Variants in KHDRBS2 observed in about 807,000 individuals in gnomAD.
The protein encoded by KHDRBS2 is KH domain-containing, RNA-binding, signal transduction-associated protein 2.
In KHDRBS2, 26 loss-of-function variants were observed where a neutral mutation model predicts 44.3. That is an observed-to-expected ratio of 0.59 (90% CI 0.43 to 0.81). The LOEUF is 0.81. Ranked by LOEUF, KHDRBS2 falls within the 40% of genes least tolerant of loss-of-function variation. The pLI, the probability that KHDRBS2 is intolerant of heterozygous loss-of-function variation, is 0.00. For synonymous variants in KHDRBS2, 194 were observed against 151.1 expected (o/e 1.28, Z -2.08); for missense variants, 476 against 433.1 (o/e 1.10, Z -0.88).
At chr6:61,682,140 G>A (rs12524647) in intron 8 of KHDRBS2, among the ~76,000 whole-genome samples, 1,941 of 151,978 alleles carry the variant, frequency 0.013, 152 homozygotes, top group Admixed American at 0.11. Context: ...TAGTTCCTCC[G>A]ATCATAAGAA....
At chr6:61,626,200 A>G in the KHDRBS2 span, among the ~76,000 whole-genome samples, 1 of 152,224 alleles carries the variant, frequency 6.6e-6, no homozygotes, top group African/African-American at 2.4e-5. Context: ...AATAGCCTAA[A>G]TAGCAATATA....
At chr6:61,865,656 C>G (rs1485097827) in intron 6 of KHDRBS2, among the ~76,000 whole-genome samples, 3 of 152,154 alleles carry the variant, frequency 2.0e-5, no homozygotes, top group Admixed American at 2.0e-4. Flanking sequence ...CCTCACATTT[C>G]AAAACCAATC....
rs749594399 is a variant in KHDRBS2, at chr6:61,680,920, CT to C, written c.*42del. ...TTGCTGTTTATGTGGAGACCACAGG[CT>C]ATGAATTGTCTTTGAGGTGAGGTCA... On this transcript the variant is annotated 3_prime_UTR_variant, in exon 9 of 9. Transcript: ENST00000281156. The C allele has an allele frequency of 8.0e-7, 1 of 1,250,168 alleles. No individual in the cohort carries two copies. The highest frequency in any genetic ancestry group is 1.2e-6 in the Non-Finnish European group (1 of 857,298). The allele number at this position is 1,250,168 out of a possible 1,614,324, so 77.4% of individuals were successfully genotyped here. A position where few individuals can be genotyped will look rare whatever the true frequency, so the allele number is the denominator to read the frequency against.
At chr6:61,840,489 A>G (rs548946036) in intron 6 of KHDRBS2, among the ~76,000 whole-genome samples, 1 of 152,248 alleles carries the variant, frequency 6.6e-6, no homozygotes, top group Non-Finnish European at 1.5e-5. Flanking sequence ...AATCAAATAA[A>G]AGTAAGTGGG....
the KHDRBS2 span, among the ~76,000 whole-genome samples, chr6:61,560,307 T>C: frequency 6.6e-6 from 1 of 152,160 alleles, no homozygotes; most frequent in Non-Finnish European, 1.5e-5. Context: ...TGTAGTCTGA[T>C]TGGTGTCCAA....
intron 2 of KHDRBS2, among the ~76,000 whole-genome samples, chr6:62,131,250 C>T (rs1437806087): frequency 6.6e-6 from 1 of 152,142 alleles, no homozygotes; most frequent in East Asian, 1.9e-4. Context: ...CTAGACACTG[C>T]CACATCTCTT....
At chr6:61,865,899 G>A (rs184317612) in intron 6 of KHDRBS2, among the ~76,000 whole-genome samples, 56 of 152,298 alleles carry the variant, frequency 3.7e-4, no homozygotes, top group African/African-American at 1.2e-3. Context: ...TCCAGGTCAC[G>A]CTGATGCAAG....
At chr6:62,255,574 G>A (rs140861607) in intron 1 of KHDRBS2, among the ~76,000 whole-genome samples, 2 of 149,850 alleles carry the variant, frequency 1.3e-5, no homozygotes, top group East Asian at 4.0e-4. Flanking sequence ...ACCATGCAGT[G>A]CTGTATTTAC....
intron 8 of KHDRBS2, among the ~76,000 whole-genome samples, chr6:61,688,389 T>G (rs1767041540): frequency 6.6e-6 from 1 of 152,068 alleles, no homozygotes; most frequent in South Asian, 2.1e-4. Flanking sequence ...TTCAAAAGAC[T>G]GCGGAATTCA....
intron 6 of KHDRBS2, among the ~76,000 whole-genome samples, chr6:61,866,889 A>G (rs1797879720): frequency 6.6e-6 from 1 of 152,176 alleles, no homozygotes; most frequent in African/African-American, 2.4e-5. Context: ...TCCATCTGAG[A>G]TAATCTCAGC....
intron 1 of KHDRBS2, among the ~76,000 whole-genome samples, chr6:62,194,153 T>C (rs1825152024): frequency 6.6e-6 from 1 of 152,108 alleles, no homozygotes. Flanking sequence ...GCCTAACCCA[T>C]AGTGGCAAAC....
chr6:62,212,680 C>T (rs534015108), intron 1 of KHDRBS2, among the ~76,000 whole-genome samples: 1 of 152,234 alleles, frequency 6.6e-6, no homozygotes, highest in South Asian at 2.1e-4. Flanking sequence ...TCAAAGAATA[C>T]TTGAGATTAC....
chr6:61,624,129 T>C, the KHDRBS2 span, among the ~76,000 whole-genome samples: 6 of 152,326 alleles, frequency 3.9e-5, no homozygotes, highest in East Asian at 1.2e-3. Flanking sequence ...TTGTATCATA[T>C]GTCAATGCCA....
At chr6:61,859,444 C>T (rs1224665624) in intron 6 of KHDRBS2, among the ~76,000 whole-genome samples, 1 of 151,514 alleles carries the variant, frequency 6.6e-6, no homozygotes, top group Non-Finnish European at 1.5e-5. Context: ...AAATAATTTC[C>T]TGTAAGTGTC....
At chr6:61,848,524 T>TATATATAC (rs1562294555) in intron 6 of KHDRBS2, among the ~76,000 whole-genome samples, 8 of 62,734 alleles carry the variant, frequency 1.3e-4, no homozygotes, top group African/African-American at 6.0e-4. Flanking sequence ...TATATGTATA[T>TATATATAC]ATATATACAT....
rs1424208139 is a variant in KHDRBS2, at chr6:61,978,109, C to T, written c.440G>A (p.Arg147His). ...AATCTCTTCCAATGCATGACTCATA[C>T]GTGAATAAGCTTCCCCAGGTGGAGC... ...VFAPPGEAYS[R>H]MSHALEEIKK... The change falls in exon 4 of 9, where the codon CGT becomes CAT. Residue 147 changes from arginine to histidine, a missense_variant. Coordinates refer to ENST00000281156, the MANE Select transcript of KHDRBS2 (RefSeq NM_152688.4). 4 of 1,611,054 alleles carry T rather than the reference C, an allele frequency of 2.5e-6. No homozygotes were observed. Among genetic ancestry groups the T allele is most frequent in the South Asian group, 1.1e-5 (1 of 90,586 alleles).
intron 6 of KHDRBS2, among the ~76,000 whole-genome samples, chr6:61,735,068 T>C (rs935666004): frequency 2.1e-5 from 3 of 145,190 alleles, no homozygotes; most frequent in Non-Finnish European, 3.0e-5. Flanking sequence ...AAGAGGTATT[T>C]TGGAGAAAAA....
chr6:62,167,285 A>T (rs1434614794), intron 2 of KHDRBS2, among the ~76,000 whole-genome samples: 2 of 152,134 alleles, frequency 1.3e-5, no homozygotes, highest in African/African-American at 4.8e-5. Context: ...GTAAGGGGTC[A>T]TAAAAAATGA....
At chr6:62,234,095 T>G (rs1199677156) in intron 1 of KHDRBS2, among the ~76,000 whole-genome samples, 3 of 152,100 alleles carry the variant, frequency 2.0e-5, no homozygotes, top group Non-Finnish European at 4.4e-5. Flanking sequence ...AATTCCAGAT[T>G]GATAACTGCC....
Sources: allele counts gnomAD v4.1 joint callset (sites outside exome capture counted in the v4.1 genomes callset), GRCh38; gene constraint gnomAD v4.1.1; transcripts MANE v1.5; gene names NCBI Gene and HGNC (gene_info 2026-07-23, HGNC 2026-07-21).